ASAP2: variants seen among roughly 807,000 people sequenced by gnomAD.
The protein encoded by ASAP2 is arf-GAP with SH3 domain, ANK repeat and PH domain-containing protein 2.
ASAP2 carries 45 observed loss-of-function variants against 131.4 expected under a neutral mutation model. That is an observed-to-expected ratio of 0.34 (90% CI 0.27 to 0.44). ASAP2 has a LOEUF of 0.44. Among genes scored for constraint, ASAP2 ranks in the 20% least tolerant of loss-of-function variants. The pLI, the probability that ASAP2 is intolerant of heterozygous loss-of-function variation, is 1.00. For synonymous variants in ASAP2, 510 were observed against 503.0 expected (o/e 1.01, Z -0.19); for missense variants, 1,011 against 1,297.0 (o/e 0.78, Z 3.39).
In ASAP2 at chr2:9,389,238, C is replaced by A. The variant is rs576756019; in HGVS notation, c.2383+692C>A. 1.3e-5 allele frequency among the ~76,000 whole-genome samples: 2 copies of A among 152,228 alleles called. No homozygotes were observed. The highest frequency in any genetic ancestry group is 2.9e-5 in the Non-Finnish European group (2 of 68,046). Reference sequence around the variant, plus strand: ...TCTTGAAGGCAGGTCCGGCGAGTGACCCACTCAGCTCTGGGCTGAGCTCCA... The same window carrying A: ...TCTTGAAGGCAGGTCCGGCGAGTGAACCACTCAGCTCTGGGCTGAGCTCCA... On this transcript the variant is annotated intron_variant, in intron 22 of 27. Transcript: ENST00000281419. This position sits in a 1 kb window ranked among gnomAD's most constrained non-coding sequence, Gnocchi z 4.7.
rs1011037846 is a variant in ASAP2 at position 9,268,620 on chromosome 2, C to T, written c.127-10697C>T. Reference sequence around the variant, plus strand: ...CTGTTACTTTCTGAAGAGTCGAATGCGTGGTGAGACAAAGCTGCCATCTGA... The same window carrying T: ...CTGTTACTTTCTGAAGAGTCGAATGTGTGGTGAGACAAAGCTGCCATCTGA... On this transcript the variant is annotated intron_variant, in intron 1 of 27. Transcript: ENST00000281419. This position sits in a 1 kb window ranked among gnomAD's most constrained non-coding sequence, Gnocchi z 4.1. Among the ~76,000 whole-genome samples the T allele has an allele frequency of 1.3e-5, 2 of 152,220 alleles. No homozygotes were observed. The highest frequency in any genetic ancestry group is 2.9e-5 in the Non-Finnish European group (2 of 68,030).
chr2:9,262,104 C>T (rs1162832853), intron 1 of ASAP2, among the ~76,000 whole-genome samples: 2 of 152,174 alleles, frequency 1.3e-5, no homozygotes, highest in Non-Finnish European at 2.9e-5. Flanking sequence ...CTGCCTCAGC[C>T]TCCTCAGTAG....
chr2:9,372,503 TGATG>T, intron 16 of ASAP2, among the ~76,000 whole-genome samples: 1 of 152,180 alleles, frequency 6.6e-6, no homozygotes. Context: ...CTATGCCAAT[TGATG>T]TAAACCAGAG....
rs1230002408 is a variant in ASAP2, at chr2:9,400,843, C to T, written c.2823+13C>T. On this transcript the variant is annotated intron_variant, in intron 26 of 27. Coordinates refer to ENST00000281419, the MANE Select transcript of ASAP2 (RefSeq NM_003887.3). ...GAAGTCGCAGGCAGTAAGTGACGAG[C>T]CCCCTTTCCTGCCTCTCTGCTCTAG... 6.2e-7 allele frequency: 1 copy of T among 1,608,430 alleles called. No homozygotes were observed. The highest frequency in any genetic ancestry group is 2.2e-5 in the East Asian group (1 of 44,846).
rs1158657380 is a variant in ASAP2 at position 9,404,087 on chromosome 2, T to C, written c.*760T>C. 6.6e-6 allele frequency: 1 copy of C among 152,258 alleles called. No homozygotes were observed. The highest frequency in any genetic ancestry group is 1.5e-5 in the Non-Finnish European group (1 of 68,042). 9.4% of individuals were successfully genotyped at this position (152,258 alleles called of 1,614,324 possible). A position where few individuals can be genotyped will look rare whatever the true frequency, so the allele number is the denominator to read the frequency against. On this transcript the variant is annotated 3_prime_UTR_variant, in exon 28 of 28. Transcript: ENST00000281419. ...GCAAAACAGTTCTTTTAAATTAGTT[T>C]ATATGCTTTAGGTGTTTTGGAATTT...
At chr2:9,340,728 A>G (rs1671522555) in intron 9 of ASAP2, among the ~76,000 whole-genome samples, 1 of 152,254 alleles carries the variant, frequency 6.6e-6, no homozygotes, top group African/African-American at 2.4e-5. Context: ...GCAAAATGTC[A>G]GTTTTTAAGC....
intron 2 of ASAP2, among the ~76,000 whole-genome samples, chr2:9,280,053 AG>A (rs1285661563): frequency 1.3e-5 from 2 of 152,172 alleles, no homozygotes; most frequent in East Asian, 3.9e-4. Flanking sequence ...GCATCCTTGC[AG>A]GGCTAGGAAC....
intron 1 of ASAP2, among the ~76,000 whole-genome samples, chr2:9,219,317 G>A (rs1210792149): frequency 1.3e-5 from 2 of 152,218 alleles, no homozygotes; most frequent in African/African-American, 4.8e-5. Context: ...TGTTTATGTT[G>A]TGGAGCAGAA....
In ASAP2 at chr2:9,405,655, AAAAAT is replaced by A. The variant is rs1677169870; in HGVS notation, c.*2335_*2339del. ...TTGTTAACTAGTCATTTGACTGGAA[AAAAAT>A]AAAATACTTTTAAATGGACATGGTT... On this transcript the variant is annotated 3_prime_UTR_variant, in exon 28 of 28. Transcript: ENST00000281419. The A allele has an allele frequency of 6.6e-6, 1 of 152,646 alleles. No individual in the cohort carries two copies. The highest frequency in any genetic ancestry group is 2.1e-4 in the South Asian group (1 of 4,832). 9.5% of individuals were successfully genotyped at this position (152,646 alleles called of 1,614,324 possible). A position where few individuals can be genotyped will look rare whatever the true frequency, so the allele number is the denominator to read the frequency against.
intron 1 of ASAP2, among the ~76,000 whole-genome samples, chr2:9,274,906 A>G (rs1056174765): frequency 2.8e-4 from 42 of 152,120 alleles, no homozygotes; most frequent in African/African-American, 9.9e-4. Context: ...ATGGTGACCT[A>G]TTTTTTCAAG....
Position 9,395,594 on chromosome 2 carries a change from C to CTTTTTTTT in ASAP2, c.2684+1971_2684+1978dup. Among the ~76,000 whole-genome samples, 285 of 59,064 alleles carry CTTTTTTTT rather than the reference C, an allele frequency of 4.8e-3. 45 individuals are homozygous for CTTTTTTTT. Among genetic ancestry groups the CTTTTTTTT allele is most frequent in the Non-Finnish European group, 8.4e-3 (231 of 27,462 alleles). The allele number at this position is 59,064 out of a possible 152,430, so 38.7% of individuals were successfully genotyped here. ...GTTTTGTTTTTCTTGTGTTTTTTTT[C>CTTTTTTTT]TTTTTTTTTTTTTTTTTTTTTTTTT... On this transcript the variant is annotated intron_variant, in intron 24 of 27. Coordinates refer to ENST00000281419, the MANE Select transcript of ASAP2 (RefSeq NM_003887.3).
intron 1 of ASAP2, among the ~76,000 whole-genome samples, chr2:9,214,777 TAA>T (rs34474684): frequency 0.11 from 11,198 of 102,910 alleles, 490 homozygotes; most frequent in African/African-American, 0.16. Flanking sequence ...CCTGGACGTC[TAA>T]AAAAAAAAAA....
At chr2:9,331,155 G>A (rs139321453) in intron 7 of ASAP2, among the ~76,000 whole-genome samples, 57 of 152,348 alleles carry the variant, frequency 3.7e-4, no homozygotes, top group East Asian at 1.2e-3. Context: ...CTGGGTACAC[G>A]CGGGCCTCTG....
At chr2:9,229,746 C>T (rs1456280021) in intron 1 of ASAP2, among the ~76,000 whole-genome samples, 4 of 152,178 alleles carry the variant, frequency 2.6e-5, no homozygotes, top group Non-Finnish European at 4.4e-5. Context: ...CTGGAGAGAG[C>T]ATTCTGCAGG....
At chr2:9,355,535 G>A (rs1672639454) in intron 12 of ASAP2, among the ~76,000 whole-genome samples, 1 of 152,208 alleles carries the variant, frequency 6.6e-6, no homozygotes, top group Admixed American at 6.5e-5. Context: ...CAGTATGTAA[G>A]TGTAGGATTT....
intron 2 of ASAP2, 104 bp from the exon 3 acceptor site, chr2:9,297,196 T>C: frequency 7.2e-7 from 1 of 1,390,568 alleles, no homozygotes; most frequent in South Asian, 1.5e-5. Flanking sequence ...TCTCAGATTT[T>C]TCTTCTGCTG....
chr2:9,218,941 G>A (rs1415397928), intron 1 of ASAP2, among the ~76,000 whole-genome samples: 1 of 152,246 alleles, frequency 6.6e-6, no homozygotes, highest in African/African-American at 2.4e-5. Flanking sequence ...TGATGTGGTG[G>A]TTGGTACTTG....
chr2:9,368,587 A>AG, intron 16 of ASAP2, 68 bp downstream of exon 16: 3 of 1,397,118 alleles, frequency 2.1e-6, no homozygotes, highest in African/African-American at 1.4e-5. Flanking sequence ...CCCGGGAGGC[A>AG]GGGGAATAAG....
At position 9,404,857 on chromosome 2, in the gene ASAP2, ATG is replaced by A. The variant is rs1193061239; in HGVS notation, c.*1534_*1535del. ...TTACCTTTCAAAGTTCCGGGTAAAA[ATG>A]TGTTATATCTGTAGTTTTTTGTTTT... On this transcript the variant is annotated 3_prime_UTR_variant, in exon 28 of 28. Transcript: ENST00000281419. 2.6e-5 allele frequency: 4 copies of A among 152,498 alleles called. No individual in the cohort carries two copies. Among genetic ancestry groups the A allele is most frequent in the African/African-American group, 9.7e-5 (4 of 41,404 alleles). The allele number at this position is 152,498 out of a possible 1,614,324, so 9.4% of individuals were successfully genotyped here. A position where few individuals can be genotyped will look rare whatever the true frequency, so the allele number is the denominator to read the frequency against.
Sources: gnomAD v4.1 joint callset for allele counts (sites outside exome capture counted in the v4.1 genomes callset) on GRCh38, gnomAD v4.1.1 for gene constraint, Gnocchi (gnomAD v3.1) non-coding constraint, MANE v1.5 for transcripts, NCBI Gene and HGNC (gene_info 2026-07-23, HGNC 2026-07-21) for gene names.